The following EXOC3 variants were observed in gnomAD, a reference collection of about 807,000 sequenced individuals.
The protein encoded by EXOC3 is SEC6-like 1.
Under a neutral mutation model 73.7 loss-of-function variants are expected in EXOC3, and 21 were observed. That is an observed-to-expected ratio of 0.29 (90% CI 0.20 to 0.41). The LOEUF is 0.41. Ranked by LOEUF, EXOC3 falls within the 10% of genes least tolerant of loss-of-function variation. The pLI is 1.00. For missense variants in EXOC3, 842 were observed against 985.1 expected, an observed-to-expected ratio of 0.85 and a Z score of 1.95; for synonymous variants, 410 against 389.1, an observed-to-expected ratio of 1.05 and a Z score of -0.63.
intron 1 of EXOC3, among the ~76,000 whole-genome samples, chr5:444,163 G>A (rs901929218): frequency 6.6e-6 from 1 of 152,250 alleles, no homozygotes; most frequent in Non-Finnish European, 1.5e-5. Context: ...CGGAGCCAGC[G>A]CCAGGGGAAG....
chr5:457,753 C>A, intron 5 of EXOC3, 147 bp from the exon 6 acceptor site: 1 of 847,694 alleles, frequency 1.2e-6, no homozygotes, highest in Admixed American at 2.7e-5. Context: ...TGGGTCCCTG[C>A]TCTGGAGTCC....
chr5:456,797 T>G, intron 4 of EXOC3, 92 bp from the exon 5 acceptor site: 1 of 959,726 alleles, frequency 1.0e-6, no homozygotes, highest in Non-Finnish European at 1.6e-6. Context: ...GTGGTGGACA[T>G]TCATGTGTCA....
rs1738112526 is a variant in EXOC3 at position 465,372 on chromosome 5, G to A, written c.1938+100G>A. The A allele has an allele frequency of 4.5e-6, 6 of 1,346,064 alleles. 1 individual carries two copies. The highest frequency in any genetic ancestry group is 2.6e-5 in the South Asian group (2 of 77,284). The allele number at this position is 1,346,064 out of a possible 1,614,324, so 83.4% of individuals were successfully genotyped here. ...GGGCCAGTAGATGGGAGTGTGTCGT[G>A]TGTTTGTCAGGCGGGGGGAGCCTGG... is the stretch of plus-strand genomic sequence containing the variant. On this transcript the variant is annotated intron_variant, in intron 11 of 12. Coordinates refer to ENST00000512944, the MANE Select transcript of EXOC3 (RefSeq NM_007277.5).
At chr5:459,707 C>T (rs957837471) in intron 7 of EXOC3, 4 of 301,470 alleles carry the variant, frequency 1.3e-5, no homozygotes, top group Non-Finnish European at 2.4e-5. Flanking sequence ...TAGCGATGCG[C>T]CGGATGACAC....
At chr5:445,179 G>C (rs193232240) in intron 1 of EXOC3, 1 of 152,322 alleles carries the variant, frequency 6.6e-6, no homozygotes, top group East Asian at 1.9e-4. Flanking sequence ...TTAGCTCCCC[G>C]AGGAGGACGA....
In EXOC3 at chr5:464,311, A is replaced by C; in HGVS notation, c.1675A>C (p.Thr559Pro). 1 of 1,613,612 alleles carries C rather than the reference A, an allele frequency of 6.2e-7. No homozygotes were observed. Among genetic ancestry groups the C allele is most frequent in the Non-Finnish European group, 8.5e-7 (1 of 1,179,564 alleles). The change falls in exon 10 of 13, where the codon ACG becomes CCG. Residue 559 changes from threonine (T) to proline (P), a missense_variant. Physicochemically the swap from Thr to Pro is conservative, Grantham distance 38. Coordinates refer to ENST00000512944, the MANE Select transcript of EXOC3 (RefSeq NM_007277.5). ...TCAGCAACATCTGAATGAATTGATGACGAAGAAGTGGCTATTAGGGTCAAA... is the reference window on the plus strand; with the variant it reads ...TCAGCAACATCTGAATGAATTGATGCCGAAGAAGTGGCTATTAGGGTCAAA... ...DLEQHLNELMTKKWLLGSNAV... is the reference protein window; with the variant it reads ...DLEQHLNELMPKKWLLGSNAV...
chr5:464,508 TGAACGTTCAC>T, intron 10 of EXOC3, 96 bp downstream of exon 10: 1 of 1,365,574 alleles, frequency 7.3e-7, no homozygotes, highest in Non-Finnish European at 1.0e-6. Flanking sequence ...CCTCCGTGAG[TGAACGTTCAC>T]TTGTTGTCCT....
intron 7 of EXOC3, among the ~76,000 whole-genome samples, chr5:461,176 AATAAG>A (rs1246165038): frequency 7.3e-6 from 1 of 136,090 alleles, no homozygotes; most frequent in African/African-American, 2.8e-5. Flanking sequence ...AAATAAATAA[AATAAG>A]ATAATGCTTT....
intron 9 of EXOC3, chr5:462,542 G>A (rs77676502): frequency 3.1e-4 from 166 of 533,726 alleles, no homozygotes; most frequent in African/African-American, 2.8e-3. Context: ...AAGTATTAAA[G>A]ACATCAGACA....
At chr5:452,213 T>A (rs1258891380) in intron 3 of EXOC3, among the ~76,000 whole-genome samples, 1 of 152,224 alleles carries the variant, frequency 6.6e-6, no homozygotes, top group South Asian at 2.1e-4. Flanking sequence ...TCTGTTCACT[T>A]TTCTTCAATC....
intron 7 of EXOC3, among the ~76,000 whole-genome samples, chr5:460,921 C>T (rs1177322397): frequency 1.3e-5 from 2 of 152,340 alleles, no homozygotes; most frequent in Admixed American, 1.3e-4. Context: ...GTGCTCCTTT[C>T]TTAACATCTC....
At chr5:448,735 G>A (rs116427656) in intron 3 of EXOC3, among the ~76,000 whole-genome samples, 4,201 of 152,222 alleles carry the variant, frequency 0.028, 179 homozygotes, top group African/African-American at 0.092. Flanking sequence ...TCCGTGTCCC[G>A]TCCACCCTGT....
rs533947504 is a variant in EXOC3, at chr5:457,309, T to A, written c.1164+303T>A. On this transcript the variant is annotated intron_variant, in intron 5 of 12. Transcript: ENST00000512944. ...CCGTGTGTGGCAGCACCTGCCAGGC[T>A]CTCGGCTCTGAGTCCCATGGTTGGG... 7.3e-4 allele frequency: 285 copies of A among 388,806 alleles called. 1 individual carries two copies. In the South Asian group the frequency reaches 7.8e-3, roughly 11 times the overall value. 24.1% of individuals were successfully genotyped at this position (388,806 alleles called of 1,614,324 possible).
At position 466,839 on chromosome 5, in the gene EXOC3, G is replaced by A. The variant is rs374251472; in HGVS notation, c.2179G>A (p.Val727Met). The A allele has an allele frequency of 1.4e-5, 22 of 1,613,120 alleles. No homozygotes were observed. In the African/African-American group the frequency reaches 1.7e-4, roughly 13 times the overall value. ...QGPAQASPSY[V>M]PLFKDIVVPS... ...CCCAGCACAGGCCAGCCCCAGCTAC[G>A]TGCCCCTCTTCAAGGACATTGTGGT... Residue 727 changes from valine (V) to methionine (M), a missense_variant, in exon 13 of 13, where the codon GTG becomes ATG. By Grantham distance (21) the Val-to-Met change is conservative. Transcript: ENST00000512944.
chr5:465,962 C>G (rs1195542645), intron 12 of EXOC3, 117 bp downstream of exon 12: 49 of 1,148,564 alleles, frequency 4.3e-5, no homozygotes, highest in Non-Finnish European at 5.8e-5. Context: ...TGCAGCACGG[C>G]AAGGGTTCAG....
chr5:448,919 C>G (rs775768434), intron 3 of EXOC3, among the ~76,000 whole-genome samples: 8 of 152,254 alleles, frequency 5.3e-5, no homozygotes, highest in Non-Finnish European at 1.0e-4. Flanking sequence ...ACTCAGAAAG[C>G]AGCTCTTCTT....
At chr5:454,621 GTCACT>G (rs1737750960) in intron 4 of EXOC3, among the ~76,000 whole-genome samples, 4 of 152,206 alleles carry the variant, frequency 2.6e-5, no homozygotes, top group Admixed American at 2.6e-4. Flanking sequence ...ACGAGGTTTT[GTCACT>G]TCACTTAAGG....
intron 3 of EXOC3, among the ~76,000 whole-genome samples, chr5:452,321 C>T (rs1737681035): frequency 6.6e-6 from 1 of 152,120 alleles, no homozygotes; most frequent in African/African-American, 2.4e-5. Flanking sequence ...CTTTGAATCC[C>T]TTTAGTGAAT....
Position 465,922 on chromosome 5 carries a change from G to T in EXOC3, c.2066+77G>T, listed in dbSNP as rs1469805849. 6.2e-5 allele frequency: 93 copies of T among 1,500,456 alleles called. 1 individual carries two copies. The highest frequency in any genetic ancestry group is 5.0e-4 in the South Asian group (40 of 79,938). 92.9% of individuals were successfully genotyped at this position (1,500,456 alleles called of 1,614,324 possible). A position where few individuals can be genotyped will look rare whatever the true frequency, so the allele number is the denominator to read the frequency against. ...CAGGTCCCTCCTTCTGTCTGGGGCG[G>T]GTGGGGCTCCTGGTTCGCAAGTTCA... On this transcript the variant is annotated intron_variant, in intron 12 of 12. Coordinates refer to ENST00000512944, the MANE Select transcript of EXOC3 (RefSeq NM_007277.5).
Sources: allele counts gnomAD v4.1 joint callset (sites outside exome capture counted in the v4.1 genomes callset), GRCh38; gene constraint gnomAD v4.1.1; transcripts MANE v1.5; gene names NCBI Gene and HGNC (gene_info 2026-07-23, HGNC 2026-07-21).